The following ADGRL3 variants were observed in gnomAD, a reference collection of about 807,000 sequenced individuals.
ADGRL3 encodes adhesion G protein-coupled receptor L3.
Under a neutral mutation model 153.5 loss-of-function variants are expected in ADGRL3, and 62 were observed. That is an observed-to-expected ratio of 0.40 (90% CI 0.33 to 0.50). The LOEUF is 0.50. Ranked by LOEUF, ADGRL3 falls within the 20% of genes least tolerant of loss-of-function variation. The probability of loss-of-function intolerance (pLI) is 0.47; values close to 1 mark genes in which losing one functional copy is unlikely to be tolerated. For synonymous variants in ADGRL3, 710 were observed against 672.5 expected, an observed-to-expected ratio of 1.06 and a Z score of -0.86; for missense variants, 1,641 against 1,859.4, an observed-to-expected ratio of 0.88 and a Z score of 2.16.
chr4:61,209,415 A>T (rs1166760085), intron 1 of ADGRL3, among the ~76,000 whole-genome samples: 2 of 152,194 alleles, frequency 1.3e-5, no homozygotes, highest in Non-Finnish European at 2.9e-5. Flanking sequence ...TGAATACTTC[A>T]TGCATAGTAC....
chr4:61,735,887 G>A (rs1169776536), intron 8 of ADGRL3, among the ~76,000 whole-genome samples: 2 of 151,884 alleles, frequency 1.3e-5, no homozygotes, highest in Non-Finnish European at 2.9e-5. Context: ...GAATAAGATG[G>A]TACCAAGTTC....
At chr4:61,976,637 T>C (rs1262157038) in intron 17 of ADGRL3, among the ~76,000 whole-genome samples, 2 of 152,160 alleles carry the variant, frequency 1.3e-5, no homozygotes, top group Non-Finnish European at 2.9e-5. Flanking sequence ...CCCCATACTG[T>C]TCTCATGGTA....
At chr4:61,469,428 CT>C (rs1001595802) in intron 2 of ADGRL3, among the ~76,000 whole-genome samples, 4 of 152,012 alleles carry the variant, frequency 2.6e-5, no homozygotes, top group Non-Finnish European at 5.9e-5. Flanking sequence ...TAAGTAAAGA[CT>C]TTTGTTAATA....
intron 8 of ADGRL3, among the ~76,000 whole-genome samples, chr4:61,764,116 C>T (rs1032097839): frequency 1.3e-5 from 2 of 152,034 alleles, no homozygotes; most frequent in Non-Finnish European, 2.9e-5. Flanking sequence ...TATCTCTAAG[C>T]CAATTTGAAT....
At chr4:61,982,250 A>G (rs771791911) in intron 18 of ADGRL3, among the ~76,000 whole-genome samples, 43 of 152,210 alleles carry the variant, frequency 2.8e-4, no homozygotes, top group Admixed American at 1.2e-3. Flanking sequence ...AAGTAATATA[A>G]AGAACAATGA....
At chr4:61,428,906 T>TATATC (rs1553927284) in intron 2 of ADGRL3, among the ~76,000 whole-genome samples, 20 of 143,708 alleles carry the variant, frequency 1.4e-4, no homozygotes, top group East Asian at 4.0e-4. Flanking sequence ...TCTATCTATC[T>TATATC]ATCTATCTAT....
At chr4:62,043,386 G>C (rs761775237) in intron 24 of ADGRL3, among the ~76,000 whole-genome samples, 25 of 151,794 alleles carry the variant, frequency 1.6e-4, no homozygotes, top group Non-Finnish European at 2.9e-4. Context: ...TTGTCCTTTC[G>C]TTTATTAGTT....
At chr4:61,728,573 G>T (rs1025445585) in intron 6 of ADGRL3, among the ~76,000 whole-genome samples, 2 of 152,034 alleles carry the variant, frequency 1.3e-5, no homozygotes, top group African/African-American at 4.8e-5. Flanking sequence ...TCAAAAATAA[G>T]ATTGTCTATG....
intron 8 of ADGRL3, among the ~76,000 whole-genome samples, chr4:61,766,597 G>A (rs1404266298): frequency 6.6e-6 from 1 of 152,068 alleles, no homozygotes; most frequent in Non-Finnish European, 1.5e-5. Context: ...TGAGAATTAT[G>A]CCAAGATAGG....
At position 61,297,797 on chromosome 4, in the gene ADGRL3, T is replaced by G. The variant is rs111677063; in HGVS notation, c.-239-85327T>G. 2.4e-4 allele frequency among the ~76,000 whole-genome samples: 36 copies of G among 152,074 alleles called. 2 individuals are homozygous for G. The highest frequency in any genetic ancestry group is 8.7e-4 in the African/African-American group (36 of 41,488). ...GTTACTTAGTACCTACCACTACAAC[T>G]GTTACCACCGCCACCGTCACTACCG... On this transcript the variant is annotated intron_variant, in intron 1 of 26. Transcript: ENST00000683033.
chr4:61,287,501 T>C (rs1422010532), intron 1 of ADGRL3, among the ~76,000 whole-genome samples: 1 of 152,010 alleles, frequency 6.6e-6, no homozygotes, highest in Admixed American at 6.6e-5. Context: ...TTACTATTTT[T>C]ATACTATTGG....
rs986340925 is a variant in ADGRL3 at position 61,840,609 on chromosome 4, G to C, written c.1480+26720G>C. 3.9e-5 allele frequency among the ~76,000 whole-genome samples: 6 copies of C among 152,018 alleles called. No individual in the cohort carries two copies. In the East Asian group the frequency reaches 7.7e-4, roughly 20 times the overall value. On this transcript the variant is annotated intron_variant, in intron 9 of 26. Transcript: ENST00000683033. ...TTCAGTCTCTGTTTTACTAGTTACT[G>C]TACTAGGGCCTTTGGGAGGTTATAA...
At chr4:62,053,482 A>G (rs1178127852) in intron 25 of ADGRL3, among the ~76,000 whole-genome samples, 1 of 151,570 alleles carries the variant, frequency 6.6e-6, no homozygotes, top group Non-Finnish European at 1.5e-5. Flanking sequence ...TGGCCGCTTC[A>G]GAATGTAAGA....
At chr4:61,734,072 T>C (rs2096477694) in intron 8 of ADGRL3, among the ~76,000 whole-genome samples, 1 of 152,188 alleles carries the variant, frequency 6.6e-6, no homozygotes, top group African/African-American at 2.4e-5. Flanking sequence ...ACTTAATTTG[T>C]ATGTTGAGAA....
intron 1 of ADGRL3, among the ~76,000 whole-genome samples, chr4:61,345,144 T>C (rs918774268): frequency 6.6e-6 from 1 of 151,992 alleles, no homozygotes; most frequent in African/African-American, 2.4e-5. Context: ...CTTTAAAAAA[T>C]ATAGTATGTT....
chr4:61,735,440 G>T (rs7687800), intron 8 of ADGRL3, among the ~76,000 whole-genome samples: 1 of 152,106 alleles, frequency 6.6e-6, no homozygotes, highest in African/African-American at 2.4e-5. Context: ...CAACTCTATT[G>T]TCTGACTCAC....
Position 61,990,869 on chromosome 4 carries a change from G to A in ADGRL3, c.3237-5422G>A, listed in dbSNP as rs539445785. Among the ~76,000 whole-genome samples the A allele has an allele frequency of 3.2e-4, 48 of 151,654 alleles. No homozygotes were observed. In the South Asian group the frequency reaches 3.7e-3, roughly 12 times the overall value. On this transcript the variant is annotated intron_variant, in intron 19 of 26. Coordinates refer to ENST00000683033, the MANE Select transcript of ADGRL3 (RefSeq NM_001387552.1). ...CTACTTATTATCTGTGTGGCTGTGG[G>A]TAGTTTACCCGAGTATCACATTCCT...
intron 5 of ADGRL3, among the ~76,000 whole-genome samples, chr4:61,591,589 T>G (rs1379485664): frequency 1.3e-5 from 2 of 152,172 alleles, no homozygotes; most frequent in African/African-American, 4.8e-5. Flanking sequence ...GTTGCTTGTA[T>G]TTTGAATACT....
At chr4:61,947,671 C>T (rs1430873509) in intron 16 of ADGRL3, among the ~76,000 whole-genome samples, 1 of 151,964 alleles carries the variant, frequency 6.6e-6, no homozygotes, top group African/African-American at 2.4e-5. Flanking sequence ...AGAGATGGTT[C>T]TATATTTGAT....
Sources: allele counts gnomAD v4.1 joint callset (sites outside exome capture counted in the v4.1 genomes callset), GRCh38; gene constraint gnomAD v4.1.1; transcripts MANE v1.5; gene names NCBI Gene and HGNC (gene_info 2026-07-23, HGNC 2026-07-21).